The following WDR41 variants were observed in gnomAD, a reference collection of about 807,000 sequenced individuals.
WDR41 encodes the protein WD repeat-containing protein 41.
In WDR41, 63 loss-of-function variants were observed where a neutral mutation model predicts 69.3. That is an observed-to-expected ratio of 0.91 (90% CI 0.74 to 1.12). The LOEUF (loss-of-function observed/expected upper bound fraction) is 1.12, where lower values mean the gene tolerates loss of function less well. Among genes scored for constraint, WDR41 ranks in the 50% most tolerant of loss-of-function variants. The pLI is 0.00. For missense variants in WDR41, 543 were observed against 534.5 expected, an observed-to-expected ratio of 1.02 and a Z score of -0.16; for synonymous variants, 185 against 192.1, an observed-to-expected ratio of 0.96 and a Z score of 0.31.
chr5:77,610,422 A>T (rs564791220), intron 1 of WDR41, among the ~76,000 whole-genome samples: 10 of 152,364 alleles, frequency 6.6e-5, no homozygotes, highest in South Asian at 6.2e-4. Context: ...CGGGTTACCC[A>T]CAAAGGGAAG....
At chr5:77,567,999 T>C (rs1312405382) in intron 1 of WDR41, among the ~76,000 whole-genome samples, 1 of 152,110 alleles carries the variant, frequency 6.6e-6, no homozygotes, top group Non-Finnish European at 1.5e-5. Flanking sequence ...GATCTTTTTT[T>C]TTCTTGTTCC....
At chr5:77,485,592 A>T (rs751036695) in intron 2 of WDR41, among the ~76,000 whole-genome samples, 4 of 152,174 alleles carry the variant, frequency 2.6e-5, no homozygotes, top group Non-Finnish European at 5.9e-5. Context: ...CTCTTCTTAA[A>T]ATGTGTTATG....
intron 2 of WDR41, among the ~76,000 whole-genome samples, chr5:77,470,958 A>T (rs1376308969): frequency 6.6e-6 from 1 of 152,180 alleles, no homozygotes; most frequent in African/African-American, 2.4e-5. Context: ...TCCACCCCAA[A>T]TCAACAGAAT....
chr5:77,609,035 C>T (rs947313665), intron 1 of WDR41, among the ~76,000 whole-genome samples: 19 of 152,252 alleles, frequency 1.2e-4, no homozygotes, highest in South Asian at 2.1e-4. Context: ...CCTATGCCCA[C>T]GGAGTCTCGC....
At chr5:77,619,509 G>A (rs935332462) in intron 1 of WDR41, among the ~76,000 whole-genome samples, 2 of 151,946 alleles carry the variant, frequency 1.3e-5, no homozygotes, top group Non-Finnish European at 2.9e-5. Flanking sequence ...TATCTGAAAG[G>A]TGCTTGAGCA....
upstream of WDR41, among the ~76,000 whole-genome samples, chr5:77,494,037 G>A (rs1801899257): frequency 6.6e-6 from 1 of 152,110 alleles, no homozygotes; most frequent in South Asian, 2.1e-4. Context: ...AGAAAGGGTG[G>A]GGGTGGAGCA....
At position 77,604,657 on chromosome 5, in the gene WDR41, A is replaced by T. The variant is rs147806849; in HGVS notation, c.42+15822T>A. The stretch of plus-strand genomic sequence containing the variant: ...CTCTACTTCTAGAAATTATCCAATG[A>T]ATATATTCAGGCACATGAAATGATA... On this transcript the variant is annotated intron_variant, in intron 1 of 5. Transcript: ENST00000509971. Among the ~76,000 whole-genome samples the T allele has an allele frequency of 4.7e-3, 712 of 152,320 alleles. 5 individuals carry two copies. The highest frequency in any genetic ancestry group is 0.016 in the African/African-American group (664 of 41,572).
chr5:77,450,466 TAACA>T (rs1043857495), intron 7 of WDR41, among the ~76,000 whole-genome samples: 1 of 152,236 alleles, frequency 6.6e-6, no homozygotes, highest in Non-Finnish European at 1.5e-5. Context: ...TATCTGACTT[TAACA>T]AATACAGTTT....
At chr5:77,463,376 A>G (rs1800154481) in intron 3 of WDR41, 150 bp from the exon 4 acceptor site, 1 of 612,772 alleles carries the variant, frequency 1.6e-6, no homozygotes, top group East Asian at 3.7e-5. Flanking sequence ...AATCACACAG[A>G]ATCTAAACAA....
chr5:77,479,355 G>T (rs868762684), intron 2 of WDR41, among the ~76,000 whole-genome samples: 1 of 151,980 alleles, frequency 6.6e-6, no homozygotes, highest in Non-Finnish European at 1.5e-5. Flanking sequence ...AAAAGAGCCC[G>T]CATCACCAAG....
At chr5:77,449,603 A>T (rs1256140942) in intron 8 of WDR41, among the ~76,000 whole-genome samples, 157 bp downstream of exon 8, 1 of 152,186 alleles carries the variant, frequency 6.6e-6, no homozygotes, top group Non-Finnish European at 1.5e-5. Context: ...AAACTTGCTC[A>T]GCTCCACCGG....
chr5:77,441,162 G>A (rs1201192023), intron 8 of WDR41, among the ~76,000 whole-genome samples, 165 bp from the exon 9 acceptor site: 1 of 152,158 alleles, frequency 6.6e-6, no homozygotes, highest in Non-Finnish European at 1.5e-5. Flanking sequence ...AAGAAGGCCA[G>A]AAATAGACTC....
chr5:77,618,697 G>A (rs1744723634), intron 1 of WDR41, among the ~76,000 whole-genome samples: 1 of 152,116 alleles, frequency 6.6e-6, no homozygotes, highest in South Asian at 2.1e-4. Flanking sequence ...GATGACTTGG[G>A]GAACTTTAGT....
chr5:77,516,730 GT>G (rs1802296206), intron 1 of WDR41, among the ~76,000 whole-genome samples: 1 of 152,146 alleles, frequency 6.6e-6, no homozygotes, highest in African/African-American at 2.4e-5. Flanking sequence ...TCTTAAGAAT[GT>G]TTTCCAGCTG....
chr5:77,474,840 G>T (rs922889585), intron 2 of WDR41, among the ~76,000 whole-genome samples: 1 of 152,080 alleles, frequency 6.6e-6, no homozygotes, highest in African/African-American at 2.4e-5. Flanking sequence ...GAACAGCTCC[G>T]GTCTACAGCT....
At chr5:77,582,979 A>G in intron 1 of WDR41, 2 of 1,605,506 alleles carry the variant, frequency 1.2e-6, no homozygotes, top group Non-Finnish European at 1.7e-6. Flanking sequence ...AAAACGCTTC[A>G]AAGAGGCAAA....
At chr5:77,608,318 C>A (rs1744466472) in intron 1 of WDR41, among the ~76,000 whole-genome samples, 1 of 152,106 alleles carries the variant, frequency 6.6e-6, no homozygotes, top group Non-Finnish European at 1.5e-5. Context: ...CATTGGAGAT[C>A]AAGCTGTTAC....
chr5:77,580,091 A>T (rs1434458156), intron 1 of WDR41, among the ~76,000 whole-genome samples: 1 of 152,148 alleles, frequency 6.6e-6, no homozygotes, highest in African/African-American at 2.4e-5. Flanking sequence ...GATAGATTAG[A>T]TAGATAGACA....
At chr5:77,510,206 T>C (rs978211150) in intron 1 of WDR41, among the ~76,000 whole-genome samples, 2 of 152,174 alleles carry the variant, frequency 1.3e-5, no homozygotes, top group Admixed American at 1.3e-4. Context: ...AGTAACATCT[T>C]ACATGGATGG....
Sources: allele counts gnomAD v4.1 joint callset (sites outside exome capture counted in the v4.1 genomes callset), GRCh38; gene constraint gnomAD v4.1.1; transcripts MANE v1.5; gene names NCBI Gene and HGNC (gene_info 2026-07-23, HGNC 2026-07-21).